Variants in ARL15 observed in about 807,000 individuals in gnomAD.
The protein encoded by ARL15 is ARF like GTPase 15.
In ARL15, 19 loss-of-function variants were observed where a neutral mutation model predicts 25.2. The ratio of observed to expected loss-of-function variants is 0.75; its 90% CI spans 0.53 to 1.10. ARL15 has a LOEUF of 1.10. Among genes scored for constraint, ARL15 ranks in the 50% least tolerant of loss-of-function variants. ARL15 has a pLI of 0.00. For missense variants in ARL15, 220 were observed against 246.0 expected (o/e 0.89, Z 0.71); for synonymous variants, 94 against 86.8 (o/e 1.08, Z -0.46).
At chr5:54,164,235 G>A (rs1205021239) in intron 2 of ARL15, among the ~76,000 whole-genome samples, 1 of 151,630 alleles carries the variant, frequency 6.6e-6, no homozygotes, top group Non-Finnish European at 1.5e-5. Context: ...AGAACATATT[G>A]GATATAACTT....
chr5:53,912,576 G>A (rs1197678032), intron 4 of ARL15, among the ~76,000 whole-genome samples: 1 of 152,168 alleles, frequency 6.6e-6, no homozygotes, highest in East Asian at 1.9e-4. Context: ...TCCTTTCAAT[G>A]TTTTTATATT....
intron 4 of ARL15, among the ~76,000 whole-genome samples, chr5:54,008,102 C>T (rs148710098): frequency 6.6e-5 from 10 of 152,270 alleles, no homozygotes; most frequent in African/African-American, 2.2e-4. Flanking sequence ...ACTTCTATAA[C>T]TCAGAAACAG....
intron 4 of ARL15, among the ~76,000 whole-genome samples, chr5:53,914,147 ACTCT>A (rs745376817): frequency 3.2e-4 from 34 of 107,086 alleles, no homozygotes; most frequent in African/African-American, 7.9e-4. Context: ...CCACACACAC[ACTCT>A]CACACACACA....
At chr5:54,140,723 A>C (rs1208905425) in intron 3 of ARL15, among the ~76,000 whole-genome samples, 2 of 152,232 alleles carry the variant, frequency 1.3e-5, no homozygotes, top group Non-Finnish European at 2.9e-5. Context: ...TTATGCCAAA[A>C]TAAGGTCTGG....
At chr5:53,932,485 C>A (rs1319871185) in intron 4 of ARL15, among the ~76,000 whole-genome samples, 1 of 152,116 alleles carries the variant, frequency 6.6e-6, no homozygotes, top group Non-Finnish European at 1.5e-5. Flanking sequence ...CTCAGGCTTT[C>A]TAAATGACAA....
At chr5:54,141,020 T>G (rs1244586837) in intron 3 of ARL15, among the ~76,000 whole-genome samples, 2 of 152,196 alleles carry the variant, frequency 1.3e-5, no homozygotes. Flanking sequence ...CGAATAATTA[T>G]TATAAATATA....
chr5:53,985,310 CA>C (rs1748257628), intron 4 of ARL15, among the ~76,000 whole-genome samples: 1 of 152,166 alleles, frequency 6.6e-6, no homozygotes, highest in African/African-American at 2.4e-5. Flanking sequence ...GTAAAATACA[CA>C]ACATAAAATT....
At chr5:54,240,867 A>C (rs1403313295) in intron 1 of ARL15, among the ~76,000 whole-genome samples, 1 of 152,230 alleles carries the variant, frequency 6.6e-6, no homozygotes, top group Non-Finnish European at 1.5e-5. Context: ...TTGGGATTTC[A>C]GATTTTTGAA....
chr5:54,012,088 A>G (rs1020611261), intron 4 of ARL15, among the ~76,000 whole-genome samples: 1 of 152,198 alleles, frequency 6.6e-6, no homozygotes, highest in African/African-American at 2.4e-5. Flanking sequence ...TACCTAACAA[A>G]TTACCATCAC....
At chr5:54,001,312 T>TACTAGATAA (rs1748842757) in intron 4 of ARL15, among the ~76,000 whole-genome samples, 1 of 152,140 alleles carries the variant, frequency 6.6e-6, no homozygotes, top group African/African-American at 2.4e-5. Flanking sequence ...TATCACAAGC[T>TACTAGATAA]CCCCATATCC....
At chr5:54,019,978 G>A (rs1473568324) in intron 4 of ARL15, among the ~76,000 whole-genome samples, 2 of 152,072 alleles carry the variant, frequency 1.3e-5, no homozygotes, top group Non-Finnish European at 2.9e-5. Flanking sequence ...CAAATGTGAC[G>A]CTACAACACC....
intron 2 of ARL15, among the ~76,000 whole-genome samples, chr5:54,170,171 C>A (rs1356243480): frequency 6.6e-6 from 1 of 152,118 alleles, no homozygotes; most frequent in East Asian, 1.9e-4. Context: ...CTCACTCTCA[C>A]CCTCCAAACC....
chr5:54,120,941 C>T (rs1753054412), intron 3 of ARL15, among the ~76,000 whole-genome samples: 1 of 152,080 alleles, frequency 6.6e-6, no homozygotes, highest in African/African-American at 2.4e-5. Flanking sequence ...AGTATTTTTT[C>T]TTTTTTATCA....
At chr5:54,287,737 G>A (rs922080009) in intron 1 of ARL15, among the ~76,000 whole-genome samples, 1 of 151,996 alleles carries the variant, frequency 6.6e-6, no homozygotes, top group Non-Finnish European at 1.5e-5. Context: ...ATTTGTCAGG[G>A]ACTTAGCATG....
At chr5:54,165,711 T>C (rs929679944) in intron 2 of ARL15, among the ~76,000 whole-genome samples, 2 of 148,994 alleles carry the variant, frequency 1.3e-5, no homozygotes, top group East Asian at 2.0e-4. Flanking sequence ...TATAGGTGCA[T>C]GTATGGATAT....
intron 4 of ARL15, 136 bp downstream of exon 4, chr5:54,113,065 TC>T: frequency 1.2e-6 from 1 of 828,218 alleles, no homozygotes; most frequent in East Asian, 2.7e-5. Context: ...GCTTTCTGCT[TC>T]CTATGAAAAC....
chr5:54,166,856 C>T (rs1477646806), intron 2 of ARL15, among the ~76,000 whole-genome samples: 2 of 152,128 alleles, frequency 1.3e-5, no homozygotes. Flanking sequence ...CTCTTCCCAT[C>T]CCTGATAATC....
intron 1 of ARL15, among the ~76,000 whole-genome samples, chr5:54,260,467 C>G (rs1757473640): frequency 6.6e-6 from 1 of 152,138 alleles, no homozygotes; most frequent in African/African-American, 2.4e-5. Flanking sequence ...TTTGGTACCT[C>G]AGGAACTAAT....
intron 1 of ARL15, among the ~76,000 whole-genome samples, chr5:54,201,286 C>A (rs1021240373): frequency 6.6e-6 from 1 of 152,040 alleles, no homozygotes; most frequent in African/African-American, 2.4e-5. Flanking sequence ...CACCCTACAC[C>A]TTACCAACTA....
Sources: allele counts gnomAD v4.1 joint callset (sites outside exome capture counted in the v4.1 genomes callset), GRCh38; gene constraint gnomAD v4.1.1; transcripts MANE v1.5; gene names NCBI Gene and HGNC (gene_info 2026-07-23, HGNC 2026-07-21).